VAMP4: variants seen among roughly 807,000 people sequenced by gnomAD.
VAMP4 encodes the protein vesicle-associated membrane protein 4.
In VAMP4, 19 loss-of-function variants were observed where a neutral mutation model predicts 23.5. The ratio of observed to expected loss-of-function variants is 0.81; its 90% CI spans 0.56 to 1.19. VAMP4 has a LOEUF of 1.19. VAMP4 is among the 50% of genes most tolerant of loss of function. VAMP4 has a pLI of 0.00. For synonymous variants in VAMP4, 31 were observed against 51.0 expected, an observed-to-expected ratio of 0.61 and a Z score of 1.67; for missense variants, 145 against 168.6, an observed-to-expected ratio of 0.86 and a Z score of 0.78.
At chr1:171,713,667 T>A (rs1034692864) in intron 4 of VAMP4, among the ~76,000 whole-genome samples, 5 of 152,082 alleles carry the variant, frequency 3.3e-5, no homozygotes, top group Admixed American at 6.6e-5. Flanking sequence ...CCCTTGTCTT[T>A]ACAAAAAAAT....
chr1:171,712,739 T>G (rs1048931928), intron 4 of VAMP4, among the ~76,000 whole-genome samples: 5 of 152,212 alleles, frequency 3.3e-5, no homozygotes, highest in African/African-American at 1.2e-4. Flanking sequence ...GTGTTCATCC[T>G]ATTTAAGAAC....
At chr1:171,735,793 T>C (rs1655722502) in intron 2 of VAMP4, among the ~76,000 whole-genome samples, 1 of 152,218 alleles carries the variant, frequency 6.6e-6, no homozygotes. Context: ...GGTTCCTTTA[T>C]AGGTTCACAA....
At chr1:171,722,999 TAAAGGG>T (rs1655244698) in intron 3 of VAMP4, among the ~76,000 whole-genome samples, 1 of 152,078 alleles carries the variant, frequency 6.6e-6, no homozygotes, top group African/African-American at 2.4e-5. Context: ...GTCTGAGTAA[TAAAGGG>T]AAAGACTACA....
chr1:171,733,886 T>C (rs538837251), intron 2 of VAMP4, among the ~76,000 whole-genome samples: 8 of 152,278 alleles, frequency 5.3e-5, no homozygotes, highest in Admixed American at 2.6e-4. Context: ...CTAATGCTCA[T>C]AGCAGTAGTA....
intron 3 of VAMP4, among the ~76,000 whole-genome samples, chr1:171,722,036 G>A (rs916128874): frequency 6.6e-6 from 1 of 152,106 alleles, no homozygotes; most frequent in African/African-American, 2.4e-5. Context: ...AAAACAGCAT[G>A]GTACTGGTAC....
intron 4 of VAMP4, among the ~76,000 whole-genome samples, chr1:171,714,229 GTTT>G (rs1441690350): frequency 6.6e-6 from 1 of 152,128 alleles, no homozygotes; most frequent in Non-Finnish European, 1.5e-5. Context: ...AGATAGTTTG[GTTT>G]ACAAAGCAAG....
chr1:171,712,146 G>T (rs1197362363), intron 4 of VAMP4, among the ~76,000 whole-genome samples: 2 of 152,094 alleles, frequency 1.3e-5, no homozygotes, highest in South Asian at 2.1e-4. Flanking sequence ...AAGGGTCCAT[G>T]ATGGTTATAA....
rs1358892147 is a variant in VAMP4 at position 171,742,001 on chromosome 1, G to C, written c.-141C>G. ...GTAGGAAGCCGAGGTAAGAAGCTGG[G>C]AGGGGGAGACAGTTGGTGCGGACCC... On this transcript the variant is annotated 5_prime_UTR_variant, in exon 1 of 8. Transcript: ENST00000236192. 1.3e-5 allele frequency: 2 copies of C among 152,338 alleles called. No homozygotes were observed. Among genetic ancestry groups the C allele is most frequent in the African/African-American group, 2.4e-5 (1 of 41,564 alleles). 9.4% of individuals were successfully genotyped at this position (152,338 alleles called of 1,614,324 possible).
chr1:171,721,631 T>G (rs1655198635), intron 3 of VAMP4, among the ~76,000 whole-genome samples: 1 of 152,098 alleles, frequency 6.6e-6, no homozygotes, highest in Admixed American at 6.5e-5. Context: ...GAAAGCCAAA[T>G]CATGAGTGAA....
In VAMP4 at chr1:171,700,907, G is replaced by C. The variant is rs572961773; in HGVS notation, c.*3599C>G. 9 of 152,100 alleles carry C rather than the reference G, an allele frequency of 5.9e-5. No homozygotes were observed. In the South Asian group the frequency reaches 1.9e-3, roughly 32 times the overall value. The allele number at this position is 152,100 out of a possible 1,614,324, so 9.4% of individuals were successfully genotyped here. ...AATTCCTACTGATTTGTTCCAAGAA[G>C]CTTCTTGGAATAAAACAGAAGCCAG... On this transcript the variant is annotated 3_prime_UTR_variant, in exon 8 of 8. Transcript: ENST00000236192.
At chr1:171,709,581 G>T in intron 6 of VAMP4, 84 bp downstream of exon 6, 1 of 1,253,828 alleles carries the variant, frequency 8.0e-7, no homozygotes, top group Non-Finnish European at 1.2e-6. Flanking sequence ...CAGAGGTTAT[G>T]CTCTAGAGGC....
At chr1:171,719,426 C>G (rs949889233) in intron 3 of VAMP4, among the ~76,000 whole-genome samples, 23 of 152,166 alleles carry the variant, frequency 1.5e-4, no homozygotes, top group South Asian at 8.3e-4. Context: ...GCACTTATTA[C>G]TAGCCACAAT....
rs141094811 is a variant in VAMP4 at position 171,723,964 on chromosome 1, G to A, written c.113+4560C>T. 3.0e-3 allele frequency among the ~76,000 whole-genome samples: 460 copies of A among 152,116 alleles called. 4 individuals carry two copies. The highest frequency in any genetic ancestry group is 5.3e-3 in the Non-Finnish European group (358 of 67,984). The stretch of plus-strand genomic sequence containing the variant: ...ATGGCTTCAGCCAGTCCCTCCATTC[G>A]GGGTCGCTGACTTCCCACAACGGAT... On this transcript the variant is annotated intron_variant, in intron 3 of 7. Transcript: ENST00000236192.
Position 171,703,896 on chromosome 1 carries a change from C to CA in VAMP4, c.*609dup, listed in dbSNP as rs1413217607. The stretch of plus-strand genomic sequence containing the variant: ...AATTTCCATTTCCATAATCCAATGC[C>CA]AAAAAAATTACTACACATTCTCTTA... On this transcript the variant is annotated 3_prime_UTR_variant, in exon 8 of 8. Transcript: ENST00000236192. 1 of 152,058 alleles carries CA rather than the reference C, an allele frequency of 6.6e-6. No individual in the cohort carries two copies. Among genetic ancestry groups the CA allele is most frequent in the Non-Finnish European group, 1.5e-5 (1 of 67,784 alleles). The allele number at this position is 152,058 out of a possible 1,614,324, so 9.4% of individuals were successfully genotyped here.
chr1:171,740,200 T>C (rs1297545532), intron 1 of VAMP4, among the ~76,000 whole-genome samples: 2 of 152,224 alleles, frequency 1.3e-5, no homozygotes, highest in Non-Finnish European at 2.9e-5. Context: ...TGGCTGTGCA[T>C]TATCAGTTTT....
At chr1:171,709,626 A>T in intron 6 of VAMP4, 39 bp downstream of exon 6, 2 of 1,595,338 alleles carry the variant, frequency 1.3e-6, no homozygotes, top group African/African-American at 2.7e-5. Flanking sequence ...ACCACTTCAG[A>T]TGCTGACCAG....
chr1:171,732,516 G>A (rs1217691491), intron 2 of VAMP4, among the ~76,000 whole-genome samples: 2 of 152,092 alleles, frequency 1.3e-5, no homozygotes, highest in Admixed American at 1.3e-4. Flanking sequence ...CAACCTGGGT[G>A]ACAAAAGGAG....
At chr1:171,711,869 T>G (rs1041228818) in intron 4 of VAMP4, among the ~76,000 whole-genome samples, 2 of 152,166 alleles carry the variant, frequency 1.3e-5, no homozygotes, top group Non-Finnish European at 2.9e-5. Context: ...ACTGGTCCCA[T>G]AAGTTATAAT....
intron 3 of VAMP4, among the ~76,000 whole-genome samples, chr1:171,723,880 T>C (rs904634900): frequency 5.3e-5 from 8 of 152,202 alleles, no homozygotes; most frequent in Non-Finnish European, 1.0e-4. Flanking sequence ...ATTATAAAAG[T>C]ATTAAATTGG....
Sources: allele counts gnomAD v4.1 joint callset (sites outside exome capture counted in the v4.1 genomes callset), GRCh38; gene constraint gnomAD v4.1.1; transcripts MANE v1.5; gene names NCBI Gene and HGNC (gene_info 2026-07-23, HGNC 2026-07-21).